Variants in MACF1 observed in about 807,000 individuals in gnomAD.
The protein encoded by MACF1 is microtubule actin crosslinking factor 1.
In MACF1, 193 loss-of-function variants were observed where a neutral mutation model predicts 854.8. The observed-to-expected ratio is 0.23, with a 90% CI of 0.20 to 0.25. MACF1 has a LOEUF of 0.25. Among genes scored for constraint, MACF1 ranks in the 10% least tolerant of loss-of-function variants. MACF1 has a pLI of 1.00. For synonymous variants in MACF1, 3,185 were observed against 3,226.7 expected, an observed-to-expected ratio of 0.99 and a Z score of 0.44; for missense variants, 7,722 against 8,929.1, an observed-to-expected ratio of 0.86 and a Z score of 5.45.
chr1:39,121,380 G>A (rs1011495476), intron 2 of MACF1, among the ~76,000 whole-genome samples: 1 of 152,184 alleles, frequency 6.6e-6, no homozygotes, highest in African/African-American at 2.4e-5. Flanking sequence ...GGTGGGGGAA[G>A]CAAAAGGGAA....
intron 2 of MACF1, among the ~76,000 whole-genome samples, chr1:39,179,366 G>A (rs1391637884): frequency 6.6e-6 from 1 of 152,190 alleles, no homozygotes; most frequent in Non-Finnish European, 1.5e-5. Context: ...GGGAGAGTCA[G>A]GATACTGGAA....
intron 6 of MACF1, among the ~76,000 whole-genome samples, chr1:39,266,594 CTTTTTTTTTTTTTT>C (rs11406070): frequency 1.7e-5 from 1 of 58,126 alleles, no homozygotes; most frequent in Non-Finnish European, 3.0e-5. Flanking sequence ...TGGTCTTTTC[CTTTTTTTTTTTTTT>C]TTTTTTTTTT....
At chr1:39,396,772 C>T (rs1642290509) in intron 58 of MACF1, among the ~76,000 whole-genome samples, 1 of 152,176 alleles carries the variant, frequency 6.6e-6, no homozygotes, top group Non-Finnish European at 1.5e-5. Flanking sequence ...ATGACTTCCA[C>T]AGGGAGTTGT....
At chr1:39,255,357 G>A (rs1007567575) in intron 5 of MACF1, among the ~76,000 whole-genome samples, 2 of 152,200 alleles carry the variant, frequency 1.3e-5, no homozygotes, top group African/African-American at 4.8e-5. Flanking sequence ...AAGATACAGA[G>A]ATGGTTTGTG....
At chr1:39,320,818 A>T (rs1024812789) in intron 31 of MACF1, among the ~76,000 whole-genome samples, 14 of 152,124 alleles carry the variant, frequency 9.2e-5, no homozygotes, top group Admixed American at 3.3e-4. Flanking sequence ...AAAAAATTTT[A>T]AATTAGCTGG....
At position 39,347,074 on chromosome 1, in the gene MACF1, C is replaced by T; in HGVS notation, c.10679C>T (p.Pro3560Leu). The change falls in exon 41 of 101, where the codon CCT becomes CTT. Residue 3560 changes from proline to leucine, a missense_variant. This residue lies in a region of MACF1 where 854 missense variants were observed against 852.6 expected (regional missense o/e 1.00). Coordinates refer to ENST00000564288, the MANE Select transcript of MACF1 (RefSeq NM_001394062.1). ...FISEHAQDLS[P>L]QQNRQMLRLL... is the part of the protein sequence containing the mutation. ...TCAGAACATGCCCAGGACTTGTCCC[C>T]TCAGCAGAATCGACAGATGCTGAGG... 1.2e-6 allele frequency: 2 copies of T among 1,614,076 alleles called. No individual in the cohort carries two copies. Among genetic ancestry groups the T allele is most frequent in the African/African-American group, 1.3e-5 (1 of 75,050 alleles).
In MACF1 at chr1:39,257,392, TCCCAGGTTCAC is replaced by T. The variant is rs530863432; in HGVS notation, c.436-543_436-533del. The T allele has an allele frequency of 5.0e-3, 769 of 152,688 alleles. 9 individuals carry two copies. Among genetic ancestry groups the T allele is most frequent in the African/African-American group, 0.017 (723 of 41,558 alleles). 9.5% of individuals were successfully genotyped at this position (152,688 alleles called of 1,614,324 possible). A position where few individuals can be genotyped will look rare whatever the true frequency, so the allele number is the denominator to read the frequency against. Reference sequence around the variant, plus strand: ...ATCTCTGCTCACTGCAAGCTCTACCTCCCAGGTTCACGCCATTCTCCTGCCTCAGCCTACTG... The same window carrying T: ...ATCTCTGCTCACTGCAAGCTCTACCTGCCATTCTCCTGCCTCAGCCTACTG... On this transcript the variant is annotated intron_variant, in intron 5 of 100. Coordinates refer to ENST00000564288, the MANE Select transcript of MACF1 (RefSeq NM_001394062.1).
At chr1:39,169,276 A>G (rs1011267844) in intron 2 of MACF1, among the ~76,000 whole-genome samples, 2 of 152,038 alleles carry the variant, frequency 1.3e-5, no homozygotes, top group East Asian at 1.9e-4. Context: ...AGTATTTCCT[A>G]TTACTGAAAG....
chr1:39,290,771 G>A (rs1319543805), intron 15 of MACF1, among the ~76,000 whole-genome samples: 7 of 149,460 alleles, frequency 4.7e-5, no homozygotes, highest in South Asian at 4.2e-4. Flanking sequence ...GTGTTCAAGC[G>A]ATTCTCCTGT....
chr1:39,313,551 C>T (rs1646345129), intron 26 of MACF1, among the ~76,000 whole-genome samples: 1 of 152,044 alleles, frequency 6.6e-6, no homozygotes, highest in Non-Finnish European at 1.5e-5. Context: ...CTCTCCCTCC[C>T]TCCCTTTTTT....
In MACF1 at chr1:39,428,020, G is replaced by A; in HGVS notation, c.16536G>A (p.Gly5512=). 6.2e-7 allele frequency: 1 copy of A among 1,614,168 alleles called. No homozygotes were observed. The highest frequency in any genetic ancestry group is 1.6e-4 in the Middle Eastern group (1 of 6,062). ...ATDVHQAVKI[G]QSLSSLTSPA... is the part of the protein sequence containing the mutation. ...ATGTGCACCAGGCAGTCAAAATTGG[G>A]CAGTCCCTCTCCTCCCTGACATCTC... The change falls in exon 63 of 101, where the codon GGG becomes GGA. Residue 5512 remains glycine (G), a synonymous_variant. Transcript: ENST00000564288.
chr1:39,308,322 T>C (rs1013189520), intron 23 of MACF1, among the ~76,000 whole-genome samples: 1 of 152,188 alleles, frequency 6.6e-6, no homozygotes, highest in Non-Finnish European at 1.5e-5. Context: ...CTATTTTTTT[T>C]GTTGTTGCTT....
intron 58 of MACF1, chr1:39,410,242 A>G: frequency 6.6e-7 from 1 of 1,517,770 alleles, no homozygotes; most frequent in South Asian, 1.2e-5. Flanking sequence ...TGAAAGATTG[A>G]TGGTTCATCT....
At chr1:39,237,192 C>T (rs1272297638) in intron 2 of MACF1, among the ~76,000 whole-genome samples, 1 of 152,220 alleles carries the variant, frequency 6.6e-6, no homozygotes, top group African/African-American at 2.4e-5. Context: ...CTAGAATGCA[C>T]GTCCCAGCCT....
intron 6 of MACF1, chr1:39,268,785 C>G (rs78866955): frequency 7.8e-7 from 1 of 1,289,558 alleles, no homozygotes; most frequent in East Asian, 5.6e-5. Flanking sequence ...GAAAAGGGTT[C>G]GGTTCAAAAG....
At position 39,102,659 on chromosome 1, in the gene MACF1, A is replaced by T. The variant is rs542363444; in HGVS notation, c.220+18221A>T. The stretch of plus-strand genomic sequence containing the variant: ...GGCTTTAATTGGGAGGACACCAAGG[A>T]TAAAGGGCATTAATTTCCTTGTATT... On this transcript the variant is annotated intron_variant, in intron 2 of 93. Coordinates refer to the MACF1 transcript ENST00000361689. The T allele has an allele frequency of 1.8e-4, 117 of 663,456 alleles. 1 individual carries two copies. Among genetic ancestry groups the T allele is most frequent in the Non-Finnish European group, 1.0e-4 (38 of 366,164 alleles). The allele number at this position is 663,456 out of a possible 1,614,324, so 41.1% of individuals were successfully genotyped here. A position where few individuals can be genotyped will look rare whatever the true frequency, so the allele number is the denominator to read the frequency against.
In MACF1 at chr1:39,442,966, A is replaced by T. The variant is rs1644149820; in HGVS notation, c.19302+55A>T. 2.0e-6 allele frequency: 3 copies of T among 1,532,372 alleles called. No individual in the cohort carries two copies. The South Asian group carries it at 3.5e-5, about 18-fold the overall frequency. The allele number at this position is 1,532,372 out of a possible 1,614,324, so 94.9% of individuals were successfully genotyped here. ...GAGCTATACAGATAACAGAAAGCCT[A>T]TCTAAGTCAGAGAGAAGAGATCAAT... On this transcript the variant is annotated intron_variant, in intron 78 of 100. Transcript: ENST00000564288.
At chr1:39,454,814 A>C (rs1644405095) in intron 88 of MACF1, 95 bp from the exon 89 acceptor site, 1 of 1,105,970 alleles carries the variant, frequency 9.0e-7, no homozygotes, top group South Asian at 1.6e-5. Flanking sequence ...AAAATAAAAT[A>C]AAAAGCCATT....
intron 1 of MACF1, among the ~76,000 whole-genome samples, chr1:39,220,948 A>G (rs968777569): frequency 2.0e-5 from 3 of 152,234 alleles, no homozygotes; most frequent in African/African-American, 4.8e-5. Flanking sequence ...GGTGGCTGAC[A>G]TGTCCGGAAA....
Sources: allele counts gnomAD v4.1 joint callset (sites outside exome capture counted in the v4.1 genomes callset), GRCh38; gene constraint gnomAD v4.1.1; regional missense constraint gnomAD v4.1.1; transcripts MANE v1.5; gene names NCBI Gene and HGNC (gene_info 2026-07-23, HGNC 2026-07-21).